PDE1C: variants seen among roughly 807,000 people sequenced by gnomAD.
The protein encoded by PDE1C is dual specificity calcium/calmodulin-dependent 3',5'-cyclic nucleotide phosphodiesterase 1C.
PDE1C carries 62 observed loss-of-function variants against 93.1 expected under a neutral mutation model. The observed-to-expected ratio is 0.67, with a 90% CI of 0.54 to 0.82. The LOEUF (loss-of-function observed/expected upper bound fraction) is 0.82, where lower values mean the gene tolerates loss of function less well. Among genes scored for constraint, PDE1C ranks in the 40% least tolerant of loss-of-function variants. PDE1C has a pLI of 0.00. For missense variants in PDE1C, 742 were observed against 884.6 expected (o/e 0.84, Z 2.04); for synonymous variants, 325 against 310.1 (o/e 1.05, Z -0.50).
intron 1 of PDE1C, among the ~76,000 whole-genome samples, chr7:32,265,304 C>T (rs911722304): frequency 6.6e-6 from 1 of 152,150 alleles, no homozygotes; most frequent in Non-Finnish European, 1.5e-5. Flanking sequence ...CAGGGGTGGC[C>T]ACCTGATTTA....
intron 2 of PDE1C, among the ~76,000 whole-genome samples, chr7:31,998,898 A>G (rs1007812366): frequency 2.6e-5 from 4 of 152,182 alleles, no homozygotes; most frequent in Admixed American, 6.5e-5. Flanking sequence ...TGCAAAATCC[A>G]CTGCAACCAA....
intron 1 of PDE1C, among the ~76,000 whole-genome samples, chr7:32,427,441 A>G (rs530605062): frequency 1.3e-5 from 2 of 152,312 alleles, no homozygotes; most frequent in African/African-American, 2.4e-5. Flanking sequence ...CACATGTGTA[A>G]CTAGGTCTGG....
At chr7:32,329,188 T>A (rs1783463736) in intron 1 of PDE1C, among the ~76,000 whole-genome samples, 1 of 152,124 alleles carries the variant, frequency 6.6e-6, no homozygotes, top group Non-Finnish European at 1.5e-5. Context: ...GCTGTGATCA[T>A]GCCACTGGGT....
intron 16 of PDE1C, among the ~76,000 whole-genome samples, chr7:31,781,135 G>A (rs1197269892): frequency 2.0e-5 from 3 of 152,204 alleles, no homozygotes; most frequent in East Asian, 1.9e-4. Context: ...AAGGCTACCC[G>A]CCTCAGGGTG....
intron 2 of PDE1C, among the ~76,000 whole-genome samples, chr7:31,906,603 A>G (rs535418902): frequency 3.3e-5 from 5 of 152,312 alleles, no homozygotes; most frequent in African/African-American, 1.2e-4. Context: ...TATATAGGCT[A>G]CAAAGAGAAG....
chr7:32,388,946 A>C (rs1784693642), intron 1 of PDE1C, among the ~76,000 whole-genome samples: 1 of 152,160 alleles, frequency 6.6e-6, no homozygotes, highest in Non-Finnish European at 1.5e-5. Flanking sequence ...ATTTCATTGA[A>C]AGTGATGCCA....
chr7:32,313,013 G>A (rs1415922498), intron 1 of PDE1C, among the ~76,000 whole-genome samples: 2 of 151,982 alleles, frequency 1.3e-5, no homozygotes, highest in Non-Finnish European at 2.9e-5. Context: ...ATCTGACAAA[G>A]GGCTAATATC....
At chr7:32,374,352 A>G (rs1784399797) in intron 1 of PDE1C, among the ~76,000 whole-genome samples, 1 of 152,220 alleles carries the variant, frequency 6.6e-6, no homozygotes, top group Non-Finnish European at 1.5e-5. Context: ...GAATCTGGGT[A>G]GACTTACGAC....
At chr7:31,869,289 C>T (rs1795650986) in intron 6 of PDE1C, among the ~76,000 whole-genome samples, 1 of 152,086 alleles carries the variant, frequency 6.6e-6, no homozygotes, top group African/African-American at 2.4e-5. Flanking sequence ...CTTGAATGTA[C>T]ATCAATTAAA....
chr7:32,057,269 T>C (rs900339397), intron 1 of PDE1C, among the ~76,000 whole-genome samples: 1 of 152,186 alleles, frequency 6.6e-6, no homozygotes, highest in African/African-American at 2.4e-5. Context: ...GCTAGAATTA[T>C]TGATTAACCC....
the PDE1C span, chr7:31,652,844 GT>G: frequency 2.5e-6 from 4 of 1,602,626 alleles, no homozygotes; most frequent in Non-Finnish European, 2.6e-6. Flanking sequence ...GAGCAGGTTT[GT>G]TAACCTTCAT....
intron 1 of PDE1C, among the ~76,000 whole-genome samples, chr7:32,419,951 A>G (rs888545846): frequency 6.7e-6 from 1 of 150,202 alleles, no homozygotes; most frequent in African/African-American, 2.5e-5. Context: ...TAGGCTGGGC[A>G]TGGTGGCTCA....
chr7:31,786,238 T>G (rs1200988369), intron 16 of PDE1C: 2 of 151,972 alleles, frequency 1.3e-5, no homozygotes, highest in Non-Finnish European at 2.9e-5. Flanking sequence ...GGTGTCATCT[T>G]CCCTTTTGGA....
rs1185276882 is a variant in PDE1C at position 32,170,430 on chromosome 7, T to C, written c.137-474A>G. Among the ~76,000 whole-genome samples, 6 of 152,204 alleles carry C rather than the reference T, an allele frequency of 3.9e-5. No individual in the cohort carries two copies. The East Asian group carries it at 7.8e-4, about 20-fold the overall frequency. ...TCACCATATCAAGACCCAGGAAAAT[T>C]ACATGTAGTTTATGCATGTAAAACT... On this transcript the variant is annotated intron_variant, in intron 2 of 18. Coordinates refer to the PDE1C transcript ENST00000396193.
chr7:31,637,186 G>T, the PDE1C span, among the ~76,000 whole-genome samples: 2 of 151,618 alleles, frequency 1.3e-5, no homozygotes, highest in Non-Finnish European at 2.9e-5. Context: ...GAATAGTGCC[G>T]CAATAAACAT....
chr7:32,091,707 C>T (rs1438687640), intron 3 of PDE1C, among the ~76,000 whole-genome samples: 2 of 152,172 alleles, frequency 1.3e-5, no homozygotes, highest in South Asian at 4.1e-4. Flanking sequence ...TAAGCAAAAA[C>T]CATTACCTCT....
intron 2 of PDE1C, among the ~76,000 whole-genome samples, chr7:31,963,905 T>C (rs937533457): frequency 5.9e-5 from 9 of 152,228 alleles, no homozygotes; most frequent in African/African-American, 9.6e-5. Flanking sequence ...TTAGCACTTA[T>C]GGAGTTAGTA....
In PDE1C at chr7:32,360,165, G is replaced by A. The variant is rs113643394; in HGVS notation, c.310+67657C>T. Reference sequence around the variant, plus strand: ...ACTCTCAACTCACTCTCCTGATCACGGGACATGGGGGCTGACCAATCTGGA... The same window carrying A: ...ACTCTCAACTCACTCTCCTGATCACAGGACATGGGGGCTGACCAATCTGGA... On this transcript the variant is annotated intron_variant, in intron 1 of 1. Coordinates refer to the PDE1C transcript ENST00000672256. 8.7e-3 allele frequency among the ~76,000 whole-genome samples: 1,324 copies of A among 152,176 alleles called. 12 individuals are homozygous for A. Among genetic ancestry groups the A allele is most frequent in the African/African-American group, 0.03 (1,250 of 41,524 alleles).
At chr7:32,397,601 C>T (rs1229589922) in intron 1 of PDE1C, among the ~76,000 whole-genome samples, 1 of 152,082 alleles carries the variant, frequency 6.6e-6, no homozygotes, top group African/African-American at 2.4e-5. Context: ...TATGAAAATA[C>T]ATATATACAA....
Sources: allele counts gnomAD v4.1 joint callset (sites outside exome capture counted in the v4.1 genomes callset), GRCh38; gene constraint gnomAD v4.1.1; transcripts MANE v1.5; gene names NCBI Gene and HGNC (gene_info 2026-07-23, HGNC 2026-07-21).